The following MED13L variants were observed in gnomAD, a reference collection of about 807,000 sequenced individuals.
MED13L encodes the protein mediator of RNA polymerase II transcription subunit 13-like.
A neutral mutation model predicts 220.9 loss-of-function variants in MED13L; 7 were observed. The observed-to-expected ratio is 0.03, with a 90% confidence interval of 0.02 to 0.06. The LOEUF (loss-of-function observed/expected upper bound fraction) is 0.06, where lower values mean the gene tolerates loss of function less well. Among genes scored for constraint, MED13L ranks in the 10% least tolerant of loss-of-function variants. The pLI is 1.00. For synonymous variants in MED13L, 1,011 were observed against 1,015.2 expected, an observed-to-expected ratio of 1.00 and a Z score of 0.08; for missense variants, 1,965 against 2,760.5, an observed-to-expected ratio of 0.71 and a Z score of 6.46.
intron 3 of MED13L, among the ~76,000 whole-genome samples, chr12:116,104,001 T>A (rs900062371): frequency 1.3e-4 from 6 of 44,466 alleles, no homozygotes; most frequent in East Asian, 1.8e-3. Context: ...ACATTGCTCT[T>A]TTTTTTTTTT....
intron 2 of MED13L, among the ~76,000 whole-genome samples, chr12:116,116,473 A>G (rs749670887): frequency 6.6e-6 from 1 of 152,106 alleles, no homozygotes. Context: ...AACCTGCCCT[A>G]TGCATCTCTT....
chr12:116,203,535 T>A (rs570531872), intron 2 of MED13L, among the ~76,000 whole-genome samples: 1 of 151,298 alleles, frequency 6.6e-6, no homozygotes, highest in African/African-American at 2.4e-5. Flanking sequence ...AAGACAAGAG[T>A]GAGGCTGGGC....
Position 115,983,475 on chromosome 12 carries a change from G to A in MED13L, c.4597C>T (p.Pro1533Ser), listed in dbSNP as rs1396344522. The A allele has an allele frequency of 1.9e-6, 3 of 1,614,058 alleles. No homozygotes were observed. Among genetic ancestry groups the A allele is most frequent in the Non-Finnish European group, 2.5e-6 (3 of 1,180,032 alleles). The change falls in exon 21 of 31, where the codon CCA (proline) becomes TCA (serine). Residue 1533 changes from proline (P) to serine (S), a missense_variant. Transcript: ENST00000281928. ...GTAGCTTGTCCCTGTGCTGCTGCTG[G>A]TGGGGTCTGGTATTTAGGTGGTATC... ...LLIPPKYQTP[P>S]AAAQGQATPG...
At chr12:116,094,220 T>C (rs1042630994) in intron 4 of MED13L, among the ~76,000 whole-genome samples, 4 of 152,232 alleles carry the variant, frequency 2.6e-5, no homozygotes, top group African/African-American at 9.6e-5. Context: ...CTAATAAAGT[T>C]TTATTAAAGC....
In MED13L at chr12:115,983,233, C is replaced by T. The variant is rs754275970; in HGVS notation, c.4839G>A (p.Gly1613=). The change falls in exon 21 of 31, where the codon GGG becomes GGA. Residue 1613 remains glycine, a synonymous_variant. Coordinates refer to ENST00000281928, the MANE Select transcript of MED13L (RefSeq NM_015335.5). ...SSSGFSGSVG[G]QNPSTGGISA... is the part of the protein sequence containing the mutation. ...AAATGCCCCCAGTGCTGGGGTTCTG[C>T]CCTCCAACACTACCACTGAATCCTG... 21 of 1,614,008 alleles carry T rather than the reference C, an allele frequency of 1.3e-5. No homozygotes were observed. The highest frequency in any genetic ancestry group is 1.6e-4 in the Middle Eastern group (1 of 6,084).
chr12:116,011,391 G>A (rs1306623073), intron 9 of MED13L, among the ~76,000 whole-genome samples: 4 of 152,136 alleles, frequency 2.6e-5, no homozygotes, highest in South Asian at 2.1e-4. Context: ...TACACTTAAC[G>A]TGTTACAAAA....
At chr12:116,119,837 AAATATATATAT>A (rs1282318170) in intron 2 of MED13L, among the ~76,000 whole-genome samples, 1 of 88,616 alleles carries the variant, frequency 1.1e-5, no homozygotes, top group African/African-American at 4.2e-5. Context: ...AAAAAAAAAA[AAATATATATAT>A]ATATATATAT....
chr12:116,058,904 T>C (rs1019314382), intron 4 of MED13L, among the ~76,000 whole-genome samples: 3 of 152,176 alleles, frequency 2.0e-5, no homozygotes, highest in African/African-American at 7.2e-5. Flanking sequence ...ATATGTTAAT[T>C]AGAGGTCAAA....
At chr12:116,170,353 C>T (rs1019094672) in intron 2 of MED13L, among the ~76,000 whole-genome samples, 18 of 152,072 alleles carry the variant, frequency 1.2e-4, no homozygotes, top group South Asian at 2.1e-4. Flanking sequence ...AAAAACTTAC[C>T]ATTCATTTTG....
intron 4 of MED13L, among the ~76,000 whole-genome samples, chr12:116,084,716 C>CAATT (rs1871495434): frequency 6.7e-6 from 1 of 150,170 alleles, no homozygotes; most frequent in Non-Finnish European, 1.5e-5. Flanking sequence ...ACCCAAGAGG[C>CAATT]GGAGGTTGCA....
intron 2 of MED13L, among the ~76,000 whole-genome samples, chr12:116,175,562 G>A (rs1879989833): frequency 6.6e-6 from 1 of 152,132 alleles, no homozygotes; most frequent in Non-Finnish European, 1.5e-5. Flanking sequence ...GGAATATTGA[G>A]ACCTTAACTT....
intron 4 of MED13L, among the ~76,000 whole-genome samples, chr12:116,079,847 T>A (rs1264093245): frequency 6.6e-6 from 1 of 152,116 alleles, no homozygotes; most frequent in African/African-American, 2.4e-5. Context: ...AGAATCCACA[T>A]AAACAAAAGC....
intron 2 of MED13L, among the ~76,000 whole-genome samples, chr12:116,162,342 C>T (rs11067929): frequency 0.092 from 14,054 of 152,230 alleles, 722 homozygotes; most frequent in East Asian, 0.2. Flanking sequence ...AGAATGGAGG[C>T]TGCACCGATT....
chr12:116,250,244 C>A (rs1409454460), intron 1 of MED13L, among the ~76,000 whole-genome samples: 1 of 151,654 alleles, frequency 6.6e-6, no homozygotes. Flanking sequence ...GTTCCCAAAT[C>A]TAGACTTTTA....
intron 25 of MED13L, chr12:115,972,500 C>A: frequency 2.3e-6 from 1 of 442,574 alleles, no homozygotes; most frequent in Non-Finnish European, 4.2e-6. Flanking sequence ...CTAATCCAGT[C>A]TAATCTACCT....
chr12:116,262,953 T>C (rs1000079666), intron 1 of MED13L, among the ~76,000 whole-genome samples: 1 of 152,348 alleles, frequency 6.6e-6, no homozygotes, highest in East Asian at 1.9e-4. Context: ...ATTCAATCTG[T>C]GCAGATGATT....
chr12:116,028,977 A>G (rs117618943), intron 4 of MED13L, among the ~76,000 whole-genome samples: 5,514 of 152,160 alleles, frequency 0.036, 154 homozygotes, highest in Non-Finnish European at 0.055. Context: ...TGTCTTCCTC[A>G]ATTTGCTTCA....
intron 8 of MED13L, among the ~76,000 whole-genome samples, chr12:116,014,899 A>G (rs1474685547): frequency 1.3e-5 from 2 of 152,214 alleles, no homozygotes; most frequent in Non-Finnish European, 2.9e-5. Context: ...AACTTCAAAA[A>G]GTTCCTCGAT....
chr12:115,987,587 G>A (rs1877782641), intron 17 of MED13L, among the ~76,000 whole-genome samples: 1 of 152,104 alleles, frequency 6.6e-6, no homozygotes, highest in African/African-American at 2.4e-5. Flanking sequence ...TAAAACCATG[G>A]AAATCTGTTT....
Sources: allele counts gnomAD v4.1 joint callset (sites outside exome capture counted in the v4.1 genomes callset), GRCh38; gene constraint gnomAD v4.1.1; transcripts MANE v1.5; gene names NCBI Gene and HGNC (gene_info 2026-07-23, HGNC 2026-07-21).